The following SLC3A2 variants were observed in gnomAD, a reference collection of about 807,000 sequenced individuals.
SLC3A2 encodes amino acid transporter heavy chain SLC3A2.
A neutral mutation model predicts 48.5 loss-of-function variants in SLC3A2; 32 were observed. The observed-to-expected ratio is 0.66, with a 90% CI of 0.50 to 0.89. The LOEUF (loss-of-function observed/expected upper bound fraction) is 0.89, where lower values mean the gene tolerates loss of function less well. Among genes scored for constraint, SLC3A2 ranks in the 40% least tolerant of loss-of-function variants. The pLI, the probability that SLC3A2 is intolerant of heterozygous loss-of-function variation, is 0.00. For missense variants in SLC3A2, 587 were observed against 680.7 expected, an observed-to-expected ratio of 0.86 and a Z score of 1.53; for synonymous variants, 277 against 288.8, an observed-to-expected ratio of 0.96 and a Z score of 0.41.
At chr11:62,869,058 C>T (rs2085482813) in intron 1 of SLC3A2, among the ~76,000 whole-genome samples, 1 of 151,774 alleles carries the variant, frequency 6.6e-6, no homozygotes, top group Non-Finnish European at 1.5e-5. Context: ...ACCACCACGC[C>T]CCGCTAATTT....
At chr11:62,880,778 C>T, upstream of SLC3A2, 1 of 613,316 alleles carries the variant, frequency 1.6e-6, no homozygotes, top group Non-Finnish European at 2.6e-6. Flanking sequence ...GAGGCGTGTT[C>T]CTGACTTTAC....
intron 1 of SLC3A2, chr11:62,871,631 A>G: frequency 1.5e-6 from 1 of 664,018 alleles, no homozygotes; most frequent in Non-Finnish European, 2.8e-6. Context: ...GCCTCAAGTG[A>G]TCCTCCTGCC....
rs1300524596 is a variant in SLC3A2 at position 62,866,317 on chromosome 11, C to T, written c.112+9936C>T. 1.1e-4 allele frequency among the ~76,000 whole-genome samples: 16 copies of T among 151,742 alleles called. No individual in the cohort carries two copies. The Admixed American group carries it at 1.1e-3, about 10-fold the overall frequency. The stretch of plus-strand genomic sequence containing the variant: ...ATTTTTAGTAGAGACGGGGTTTCAC[C>T]ATGTTGGCCATGCTGGTCTTGAACT... On this transcript the variant is annotated intron_variant, in intron 1 of 9. Coordinates refer to the SLC3A2 transcript ENST00000377889.
rs1358585355 is a variant in SLC3A2 at position 62,881,646 on chromosome 11, C to T, written c.424+199C>T. Reference sequence around the variant, plus strand: ...GAAGAAAGCCGACCCGCCCCTCACTCCGTCACGAGGGTGGGTGACTCAGCG... The same window carrying T: ...GAAGAAAGCCGACCCGCCCCTCACTTCGTCACGAGGGTGGGTGACTCAGCG... On this transcript the variant is annotated intron_variant, in intron 1 of 8. Coordinates refer to ENST00000338663, the MANE Select transcript of SLC3A2 (RefSeq NM_001013251.3). This position sits in a 1 kb window ranked among gnomAD's most constrained non-coding sequence, Gnocchi z 4.0. 1.1e-6 allele frequency: 1 copy of T among 928,838 alleles called. No homozygotes were observed. The highest frequency in any genetic ancestry group is 1.6e-6 in the Non-Finnish European group (1 of 639,558). 57.5% of individuals were successfully genotyped at this position (928,838 alleles called of 1,614,324 possible). A position where few individuals can be genotyped will look rare whatever the true frequency, so the allele number is the denominator to read the frequency against.
Position 62,869,523 on chromosome 11 carries a change from C to CAAA in SLC3A2, c.113-11475_113-11473dup, listed in dbSNP as rs57962693. Among the ~76,000 whole-genome samples, 114 of 53,852 alleles carry CAAA rather than the reference C, an allele frequency of 2.1e-3. 2 individuals are homozygous for CAAA. The highest frequency in any genetic ancestry group is 3.8e-3 in the African/African-American group (43 of 11,250). 35.3% of individuals were successfully genotyped at this position (53,852 alleles called of 152,430 possible). On this transcript the variant is annotated intron_variant, in intron 1 of 9. Transcript: ENST00000377889. ...TGGGTGATAGAGCGAGACTCCATCT[C>CAAA]AAAAAAAAAAAAAAAAAAAAAAAGA...
chr11:62,860,588 G>A (rs1449189594), intron 1 of SLC3A2, among the ~76,000 whole-genome samples: 2 of 152,188 alleles, frequency 1.3e-5, no homozygotes, highest in African/African-American at 4.8e-5. Context: ...GGACTAGCAG[G>A]AGACAGATGC....
chr11:62,873,623 C>T (rs931135569), intron 1 of SLC3A2, among the ~76,000 whole-genome samples: 14 of 152,044 alleles, frequency 9.2e-5, no homozygotes, highest in South Asian at 2.1e-4. Context: ...CCACCACACC[C>T]GGCCAGCTAA....
At chr11:62,872,867 G>GT (rs1276929016) in intron 1 of SLC3A2, among the ~76,000 whole-genome samples, 1 of 152,208 alleles carries the variant, frequency 6.6e-6, no homozygotes. Flanking sequence ...CTCCCAAAGT[G>GT]TTGGGATTAC....
At chr11:62,869,563 T>C (rs1390073186) in intron 1 of SLC3A2, among the ~76,000 whole-genome samples, 10 of 150,456 alleles carry the variant, frequency 6.6e-5, no homozygotes, top group Admixed American at 6.0e-4. Flanking sequence ...AATTTCTATT[T>C]GGTGATTTTT....
chr11:62,876,844 C>A, upstream of SLC3A2: 1 of 905,434 alleles, frequency 1.1e-6, no homozygotes, highest in African/African-American at 1.8e-5. Context: ...TCAATTGATC[C>A]GACTGCCTCG....
At position 62,885,100 on chromosome 11, in the gene SLC3A2, G is replaced by A. The variant is rs1474106292; in HGVS notation, c.819-77G>A. The A allele has an allele frequency of 2.6e-6, 4 of 1,511,816 alleles. No individual in the cohort carries two copies. In the East Asian group the frequency reaches 9.1e-5, roughly 34 times the overall value. 93.7% of individuals were successfully genotyped at this position (1,511,816 alleles called of 1,614,324 possible). ...CCCGCCTCAGCCTCCCAAAGTGTTG[G>A]GATTACAGGCGTGAGCCACTGCGCC... is the stretch of plus-strand genomic sequence containing the variant. On this transcript the variant is annotated intron_variant, in intron 5 of 8. Transcript: ENST00000338663.
intron 1 of SLC3A2, among the ~76,000 whole-genome samples, chr11:62,863,062 C>T (rs928242041): frequency 7.9e-5 from 12 of 151,924 alleles, no homozygotes; most frequent in Admixed American, 6.6e-4. Flanking sequence ...GCTGGGATTA[C>T]AGGCGCTGCA....
Position 62,885,536 on chromosome 11 carries a change from C to CA in SLC3A2, c.1072dup (p.Thr358AsnfsTer13). 3.7e-6 allele frequency: 6 copies of CA among 1,614,204 alleles called. No homozygotes were observed. The highest frequency in any genetic ancestry group is 5.1e-6 in the Non-Finnish European group (6 of 1,180,034). On this transcript the variant is annotated frameshift_variant, in exon 7 of 9. Transcript: ENST00000338663. LOFTEE classifies it high-confidence loss of function. ...TCCGACTCTACCAGCTGATGCTCTT[C>CA]ACCCTGCCAGGGACCCCTGTTTTCA...
In SLC3A2 at chr11:62,881,151, T is replaced by A. The variant is rs1195399078; in HGVS notation, c.128T>A (p.Val43Glu). The A allele has an allele frequency of 6.2e-7, 1 of 1,601,854 alleles. No homozygotes were observed. The highest frequency in any genetic ancestry group is 1.8e-5 in the Admixed American group (1 of 56,294). Residue 43 changes from valine to glutamate, a missense_variant, in exon 1 of 9, where the codon GTG becomes GAG. Coordinates refer to ENST00000338663, the MANE Select transcript of SLC3A2 (RefSeq NM_001013251.3). The surrounding 1 kb of genome is among the most constrained non-coding windows in gnomAD (Gnocchi z 4.0). ...SLAGAEKNGL[V>E]KIKVAEDEAE... ...GCGGGAGCCGAGAAGAATGGTCTGGTGAAGATCAAGGTGGCGGAAGACGAG... is the reference window on the plus strand; with the variant it reads ...GCGGGAGCCGAGAAGAATGGTCTGGAGAAGATCAAGGTGGCGGAAGACGAG...
chr11:62,864,762 G>A (rs1161298779), intron 1 of SLC3A2, among the ~76,000 whole-genome samples: 1 of 146,252 alleles, frequency 6.8e-6, no homozygotes, highest in Admixed American at 7.0e-5. Flanking sequence ...CACCACGCCC[G>A]GCCGCTAATT....
At position 62,881,972 on chromosome 11, in the gene SLC3A2, G is replaced by A. The variant is rs770920417; in HGVS notation, c.504G>A (p.Lys168=). ...TGGGTCCAATTCACAAGAACCAGAA[G>A]GATGATGTCGCTCAGACTGACTTGC... ...LVLGPIHKNQ[K]DDVAQTDLLQ... is the part of the protein sequence containing the mutation. Residue 168 remains lysine (K), a synonymous_variant, in exon 2 of 9, where the codon AAG becomes AAA. Coordinates refer to ENST00000338663, the MANE Select transcript of SLC3A2 (RefSeq NM_001013251.3). This position sits in a 1 kb window ranked among gnomAD's most constrained non-coding sequence, Gnocchi z 4.0. The A allele has an allele frequency of 1.2e-6, 2 of 1,614,062 alleles. No individual in the cohort carries two copies. Among genetic ancestry groups the A allele is most frequent in the Non-Finnish European group, 1.7e-6 (2 of 1,180,034 alleles).
intron 1 of SLC3A2, chr11:62,870,608 ATT>A (rs1420267650): frequency 1.3e-5 from 2 of 151,706 alleles, no homozygotes; most frequent in African/African-American, 4.9e-5. Context: ...TCTGTCGTAT[ATT>A]GTTTCAAGTA....
At chr11:62,877,063 C>CTT (rs71691999), upstream of SLC3A2, among the ~76,000 whole-genome samples, 171 of 134,218 alleles carry the variant, frequency 1.3e-3, 1 homozygote, top group African/African-American at 4.0e-3. Flanking sequence ...TCTTCCTTTT[C>CTT]TTTTTTTTTT....
At chr11:62,858,863 CAA>C (rs768063162) in intron 1 of SLC3A2, among the ~76,000 whole-genome samples, 15 of 152,240 alleles carry the variant, frequency 9.9e-5, no homozygotes, top group Non-Finnish European at 1.6e-4. Context: ...CAATGCTTTA[CAA>C]AGCAGTATTG....
Sources: allele counts gnomAD v4.1 joint callset (sites outside exome capture counted in the v4.1 genomes callset), GRCh38; gene constraint gnomAD v4.1.1; non-coding constraint Gnocchi (gnomAD v3.1); transcripts MANE v1.5; gene names NCBI Gene and HGNC (gene_info 2026-07-23, HGNC 2026-07-21).